TENM3: variants seen among roughly 807,000 people sequenced by gnomAD.
The protein encoded by TENM3 is teneurin-3.
In TENM3, 63 loss-of-function variants were observed where a neutral mutation model predicts 255.1. The observed-to-expected ratio is 0.25, with a 90% CI of 0.20 to 0.30. The LOEUF (loss-of-function observed/expected upper bound fraction) is 0.30, where lower values mean the gene tolerates loss of function less well. TENM3 is among the 10% of genes least tolerant of loss of function. The probability of loss-of-function intolerance (pLI) is 1.00; values close to 1 mark genes in which losing one functional copy is unlikely to be tolerated. For missense variants in TENM3, 2,929 were observed against 3,461.1 expected (o/e 0.85, Z 3.86); for synonymous variants, 1,306 against 1,322.3 (o/e 0.99, Z 0.27).
the TENM3 span, among the ~76,000 whole-genome samples, chr4:181,833,733 C>A: frequency 1.3e-5 from 2 of 151,450 alleles, no homozygotes; most frequent in African/African-American, 2.4e-5. Context: ...TTTTTGTTCT[C>A]CTTGACATAA....
At chr4:182,046,593 G>A in the TENM3 span, among the ~76,000 whole-genome samples, 417 of 150,692 alleles carry the variant, frequency 2.8e-3, 5 homozygotes, top group Middle Eastern at 0.014. Context: ...AACCAGGTGT[G>A]GGGGCATGCT....
chr4:182,572,140 G>C (rs934756195), intron 3 of TENM3, among the ~76,000 whole-genome samples: 1 of 152,138 alleles, frequency 6.6e-6, no homozygotes, highest in Non-Finnish European at 1.5e-5. Flanking sequence ...GACCTCAGGT[G>C]ATCTGCCCAC....
intron 2 of TENM3, among the ~76,000 whole-genome samples, chr4:182,333,303 A>T (rs1295706247): frequency 6.6e-6 from 1 of 152,238 alleles, no homozygotes; most frequent in Non-Finnish European, 1.5e-5. Context: ...GCTTTTCAGT[A>T]GGTGTGTAAA....
chr4:182,626,786 A>G (rs1750856689), intron 4 of TENM3, among the ~76,000 whole-genome samples: 1 of 152,202 alleles, frequency 6.6e-6, no homozygotes, highest in Non-Finnish European at 1.5e-5. Context: ...AATTTGTACA[A>G]GTGGCAACTC....
At chr4:181,916,876 A>G in the TENM3 span, among the ~76,000 whole-genome samples, 5 of 152,156 alleles carry the variant, frequency 3.3e-5, no homozygotes, top group African/African-American at 9.7e-5. Context: ...CCGTCTAAAA[A>G]CAAACAAACA....
the TENM3 span, among the ~76,000 whole-genome samples, chr4:181,859,106 T>G: frequency 6.6e-6 from 1 of 151,790 alleles, no homozygotes; most frequent in Non-Finnish European, 1.5e-5. Context: ...CCCTCATTTT[T>G]GGCCACGCGC....
In TENM3 at chr4:182,748,752, A is replaced by G. The variant is rs77653192; in HGVS notation, c.3630-3048A>G. Among the ~76,000 whole-genome samples the G allele has an allele frequency of 2.7e-3, 414 of 152,248 alleles. 2 individuals are homozygous for G. Among genetic ancestry groups the G allele is most frequent in the African/African-American group, 8.4e-3 (348 of 41,542 alleles). On this transcript the variant is annotated intron_variant, in intron 19 of 27. Transcript: ENST00000511685. ...GGAATTTGTCAAGTTCTCATTTCCT[A>G]CCATCCTGTGGGAATATTTCCAGAG...
chr4:181,654,246 AAAG>A, the TENM3 span, among the ~76,000 whole-genome samples: 1 of 151,658 alleles, frequency 6.6e-6, no homozygotes, highest in Non-Finnish European at 1.5e-5. Context: ...AAAAAAAAAA[AAAG>A]AAGTCCAAAC....
the TENM3 span, among the ~76,000 whole-genome samples, chr4:182,086,633 T>C: frequency 2.0e-5 from 3 of 152,218 alleles, no homozygotes; most frequent in Admixed American, 1.3e-4. Flanking sequence ...TGGCATCAAC[T>C]ATCTTTGAGT....
intron 12 of TENM3, among the ~76,000 whole-genome samples, chr4:182,712,604 C>A (rs778162077): frequency 6.6e-6 from 1 of 152,084 alleles, no homozygotes; most frequent in Non-Finnish European, 1.5e-5. Context: ...GAGAGACAGT[C>A]GAAATAGTCT....
chr4:181,447,716 C>T, the TENM3 span, among the ~76,000 whole-genome samples: 59 of 152,280 alleles, frequency 3.9e-4, no homozygotes, highest in Admixed American at 7.8e-4. Context: ...GCTGTGTTTG[C>T]TGACAGCCAA....
intron 1 of TENM3, among the ~76,000 whole-genome samples, chr4:182,207,989 G>A (rs913573378): frequency 2.6e-5 from 4 of 152,160 alleles, no homozygotes; most frequent in African/African-American, 7.2e-5. Flanking sequence ...CCTTGAAGTC[G>A]TGTGTTTCCT....
intron 4 of TENM3, among the ~76,000 whole-genome samples, chr4:182,608,348 T>A (rs1748632264): frequency 6.6e-6 from 1 of 152,240 alleles, no homozygotes; most frequent in African/African-American, 2.4e-5. Context: ...TGACCTCCCA[T>A]CTCTGGTTCA....
At chr4:182,708,776 C>A (rs1464037052) in intron 12 of TENM3, among the ~76,000 whole-genome samples, 9 of 140,820 alleles carry the variant, frequency 6.4e-5, no homozygotes, top group East Asian at 6.2e-4. Context: ...CCAGCCTGGG[C>A]GACAGAGCGA....
the TENM3 span, among the ~76,000 whole-genome samples, chr4:181,553,319 CGT>C: frequency 1.3e-5 from 1 of 74,612 alleles, no homozygotes; most frequent in Non-Finnish European, 2.7e-5. Context: ...TATGTGTATG[CGT>C]ATATATATAT....
At chr4:182,585,266 A>G (rs1031321389) in intron 3 of TENM3, among the ~76,000 whole-genome samples, 2 of 152,162 alleles carry the variant, frequency 1.3e-5, no homozygotes, top group Admixed American at 6.5e-5. Flanking sequence ...AATTGATGAT[A>G]TAGTTACTAA....
chr4:182,420,918 C>G (rs2151135522), intron 3 of TENM3, among the ~76,000 whole-genome samples: 1 of 152,090 alleles, frequency 6.6e-6, no homozygotes, highest in Admixed American at 6.5e-5. Flanking sequence ...ATTTTGGAAG[C>G]CACATGCTTA....
At position 182,636,236 on chromosome 4, in the gene TENM3, T is replaced by C. The variant is rs1036917197; in HGVS notation, c.988+7347T>C. Among the ~76,000 whole-genome samples, 5 of 152,280 alleles carry C rather than the reference T, an allele frequency of 3.3e-5. No individual in the cohort carries two copies. The East Asian group carries it at 9.7e-4, about 29-fold the overall frequency. ...CTATATTTTAGAGGATGGAAAATTG[T>C]AAGACTAAAAATTTAGAATCAGTTT... On this transcript the variant is annotated intron_variant, in intron 5 of 27. Transcript: ENST00000511685.
At chr4:182,297,227 G>A (rs758365514) in intron 1 of TENM3, among the ~76,000 whole-genome samples, 8 of 152,192 alleles carry the variant, frequency 5.3e-5, no homozygotes, top group Non-Finnish European at 8.8e-5. Context: ...GCCAAGTCAT[G>A]TTTATCAGAG....
Sources: allele counts gnomAD v4.1 joint callset (sites outside exome capture counted in the v4.1 genomes callset), GRCh38; gene constraint gnomAD v4.1.1; transcripts MANE v1.5; gene names NCBI Gene and HGNC (gene_info 2026-07-23, HGNC 2026-07-21).